Variants in ATP2C2 observed in about 807,000 individuals in gnomAD.
ATP2C2 encodes ATPase secretory pathway Ca2+ transporting 2.
A neutral mutation model predicts 110.8 loss-of-function variants in ATP2C2; 171 were observed. That is an observed-to-expected ratio of 1.54 (90% CI 1.36 to 1.75). The LOEUF (loss-of-function observed/expected upper bound fraction) is 1.75. ATP2C2 is among the 40% of genes most tolerant of loss of function. The pLI is 0.00. For missense variants in ATP2C2, 1,963 were observed against 1,235.0 expected (o/e 1.59, Z -8.84); for synonymous variants, 804 against 508.4 (o/e 1.58, Z -7.82).
At chr16:84,463,054 A>G (rs1597896380) in intron 26 of ATP2C2, 1 of 156,936 alleles carries the variant, frequency 6.4e-6, no homozygotes, top group Admixed American at 6.3e-5. Context: ...GGCTGTTTCC[A>G]CCCGCCGGGA....
At chr16:84,439,368 G>C in intron 12 of ATP2C2, 59 bp from the exon 13 acceptor site, 1 of 1,611,228 alleles carries the variant, frequency 6.2e-7, no homozygotes. Flanking sequence ...CCAGCCTGGG[G>C]GTTTCACAAG....
intron 24 of ATP2C2, 113 bp downstream of exon 24, chr16:84,460,914 C>G: frequency 7.2e-7 from 1 of 1,381,092 alleles, no homozygotes; most frequent in Non-Finnish European, 9.8e-7. Flanking sequence ...CAAACATGTA[C>G]ACACACCGGA....
chr16:84,447,024 C>T (rs1029097973), intron 16 of ATP2C2, among the ~76,000 whole-genome samples: 8 of 152,116 alleles, frequency 5.3e-5, no homozygotes, highest in Admixed American at 3.9e-4. Flanking sequence ...ATGGCCACCC[C>T]GGGTGGACAT....
intron 2 of ATP2C2, among the ~76,000 whole-genome samples, chr16:84,403,836 A>G (rs545155697): frequency 6.6e-6 from 1 of 152,156 alleles, no homozygotes; most frequent in African/African-American, 2.4e-5. Context: ...GATTACAGGC[A>G]CATGCCACCA....
chr16:84,462,214 G>C (rs540216226), intron 26 of ATP2C2, 85 bp downstream of exon 26: 1 of 1,541,296 alleles, frequency 6.5e-7, no homozygotes, highest in Non-Finnish European at 8.8e-7. Flanking sequence ...TGCAGCCCAG[G>C]AGGGGTCAGT....
intron 4 of ATP2C2, among the ~76,000 whole-genome samples, chr16:84,410,167 C>G (rs1349745855): frequency 6.6e-6 from 1 of 152,152 alleles, no homozygotes; most frequent in African/African-American, 2.4e-5. Context: ...CAAGATCACA[C>G]CACTGCACTC....
At chr16:84,421,188 G>A (rs942099558) in intron 7 of ATP2C2, among the ~76,000 whole-genome samples, 35 of 152,138 alleles carry the variant, frequency 2.3e-4, no homozygotes, top group Non-Finnish European at 3.8e-4. Context: ...CCTCAGCATC[G>A]CTCAGTGACT....
At chr16:84,410,480 C>T (rs1447595064) in intron 4 of ATP2C2, 88 bp from the exon 5 acceptor site, 3 of 1,410,064 alleles carry the variant, frequency 2.1e-6, no homozygotes, top group Non-Finnish European at 3.0e-6. Context: ...GGAAATCAAT[C>T]ATTAAAGACA....
At chr16:84,436,527 T>C (rs551673405) in intron 11 of ATP2C2, among the ~76,000 whole-genome samples, 14 of 152,328 alleles carry the variant, frequency 9.2e-5, no homozygotes, top group Non-Finnish European at 1.8e-4. Flanking sequence ...TCTCCCAGGA[T>C]GTTTCTGGTA....
At chr16:84,410,421 A>G (rs777423905) in intron 4 of ATP2C2, 147 bp from the exon 5 acceptor site, 5 of 894,762 alleles carry the variant, frequency 5.6e-6, no homozygotes, top group Non-Finnish European at 7.3e-6. Context: ...TCTTTTGGCT[A>G]GTATATTTTC....
intron 11 of ATP2C2, among the ~76,000 whole-genome samples, chr16:84,438,761 G>T (rs1420437256): frequency 6.6e-6 from 1 of 152,186 alleles, no homozygotes. Context: ...AAATTCAAGG[G>T]ACTCACGAGG....
At chr16:84,463,300 C>G (rs909324569) in intron 26 of ATP2C2, among the ~76,000 whole-genome samples, 2 of 152,154 alleles carry the variant, frequency 1.3e-5, no homozygotes, top group Non-Finnish European at 2.9e-5. Context: ...CAGCAGGGCA[C>G]TGGGACAGCT....
chr16:84,415,388 A>G, intron 6 of ATP2C2, 95 bp from the exon 7 acceptor site: 1 of 1,047,204 alleles, frequency 9.5e-7, no homozygotes. Flanking sequence ...TTAAAAGAGA[A>G]AAGTGTGTTT....
chr16:84,420,738 C>T (rs1907257732), intron 7 of ATP2C2, among the ~76,000 whole-genome samples: 1 of 152,112 alleles, frequency 6.6e-6, no homozygotes, highest in African/African-American at 2.4e-5. Flanking sequence ...GTGGTCATGT[C>T]TCCTGAGGTT....
chr16:84,418,484 C>T (rs769334689), intron 7 of ATP2C2, among the ~76,000 whole-genome samples: 3 of 152,146 alleles, frequency 2.0e-5, no homozygotes, highest in Non-Finnish European at 2.9e-5. Context: ...ATGAAGACAA[C>T]GAATATTTTT....
At chr16:84,441,658 T>C (rs972204448) in intron 14 of ATP2C2, among the ~76,000 whole-genome samples, 2 of 152,176 alleles carry the variant, frequency 1.3e-5, no homozygotes, top group Non-Finnish European at 2.9e-5. Flanking sequence ...TGGTGGCTCA[T>C]GCCTATAATC....
At chr16:84,441,025 A>G (rs770716779) in intron 14 of ATP2C2, 67 bp downstream of exon 14, 19 of 1,307,716 alleles carry the variant, frequency 1.5e-5, no homozygotes, top group Non-Finnish European at 2.0e-5. Context: ...TCCTCTCTGA[A>G]AAGGGAAACA....
intron 23 of ATP2C2, chr16:84,459,831 T>C: frequency 4.5e-6 from 2 of 443,424 alleles, no homozygotes; most frequent in Non-Finnish European, 8.3e-6. Flanking sequence ...ATCAGTTTCA[T>C]GGAGGCGGAG....
chr16:84,412,726 T>G (rs1906485459), intron 6 of ATP2C2, among the ~76,000 whole-genome samples: 1 of 152,090 alleles, frequency 6.6e-6, no homozygotes, highest in East Asian at 1.9e-4. Flanking sequence ...TCCCCACCCC[T>G]GCTAACATTG....
Sources: gnomAD v4.1 joint callset for allele counts (sites outside exome capture counted in the v4.1 genomes callset) on GRCh38, gnomAD v4.1.1 for gene constraint, MANE v1.5 for transcripts, NCBI Gene and HGNC (gene_info 2026-07-23, HGNC 2026-07-21) for gene names.